Variants in UPF1 observed in about 807,000 individuals in gnomAD.
UPF1 encodes the protein regulator of nonsense transcripts 1.
In UPF1, 9 loss-of-function variants were observed where a neutral mutation model predicts 129.2. The ratio of observed to expected loss-of-function variants is 0.07; its 90% CI spans 0.04 to 0.12. The LOEUF (loss-of-function observed/expected upper bound fraction) is 0.12, where lower values mean the gene tolerates loss of function less well. UPF1 is among the 10% of genes least tolerant of loss of function. The probability of loss-of-function intolerance (pLI) is 1.00; values close to 1 mark genes in which losing one functional copy is unlikely to be tolerated. For synonymous variants in UPF1, 649 were observed against 644.9 expected (o/e 1.01, Z -0.10); for missense variants, 788 against 1,525.3 (o/e 0.52, Z 8.05).
chr19:18,854,507 T>C, intron 8 of UPF1, 94 bp from the exon 9 acceptor site: 1 of 1,025,010 alleles, frequency 9.8e-7, no homozygotes, highest in South Asian at 1.5e-5. Flanking sequence ...AGTAACTAAA[T>C]TTTAAAAACG....
rs1463690346 is a variant in UPF1 at position 18,863,522 on chromosome 19, G to A, written c.2685G>A (p.Gln895=). ...ACCTGCTGAACTACTATAAGGAGCA[G>A]AAGGTGCTGGTGGAGGGGCCGCTCA... ...WNHLLNYYKE[Q]KVLVEGPLNN... is the part of the protein sequence containing the mutation. Residue 895 remains glutamine, a synonymous_variant, in exon 19 of 24, where the codon CAG becomes CAA. Transcript: ENST00000262803. 6.2e-7 allele frequency: 1 copy of A among 1,613,924 alleles called. No homozygotes were observed. The highest frequency in any genetic ancestry group is 8.5e-7 in the Non-Finnish European group (1 of 1,179,890).
intron 1 of UPF1, among the ~76,000 whole-genome samples, chr19:18,833,584 T>C (rs537998734): frequency 6.6e-6 from 1 of 152,080 alleles, no homozygotes; most frequent in South Asian, 2.1e-4. Flanking sequence ...TGGCGCGTGT[T>C]GCACCGGGGT....
chr19:18,864,744 T>TTG (rs1290353065), intron 20 of UPF1, among the ~76,000 whole-genome samples: 6 of 141,174 alleles, frequency 4.3e-5, no homozygotes, highest in East Asian at 2.1e-4. Context: ...TTTTTTTTTT[T>TTG]TTTTTTTTTT....
intron 3 of UPF1, 84 bp downstream of exon 3, chr19:18,847,917 G>A (rs2055617843): frequency 8.2e-6 from 12 of 1,465,702 alleles, no homozygotes; most frequent in Admixed American, 3.6e-5. Context: ...GAAGCAAAGC[G>A]TAATATAAAA....
intron 3 of UPF1, chr19:18,848,074 T>C: frequency 4.5e-6 from 2 of 444,320 alleles, no homozygotes; most frequent in South Asian, 5.4e-5. Context: ...TTAATTCTCC[T>C]TCCCAGTTTT....
rs531750821 is a variant in UPF1 at position 18,847,967 on chromosome 19, G to A, written c.461+134G>A. ...CTGGGTTTTTTCCTCCTCTGTGACT[G>A]GTTTAACTTGAAACAGATGGTGGTG... On this transcript the variant is annotated intron_variant, in intron 3 of 23. Transcript: ENST00000262803. 2.9e-5 allele frequency: 24 copies of A among 814,972 alleles called. No individual in the cohort carries two copies. The South Asian group carries it at 3.7e-4, about 13-fold the overall frequency. The allele number at this position is 814,972 out of a possible 1,614,324, so 50.5% of individuals were successfully genotyped here. A position where few individuals can be genotyped will look rare whatever the true frequency, so the allele number is the denominator to read the frequency against.
intron 12 of UPF1, 26 bp downstream of exon 12, chr19:18,856,115 G>A (rs1406661508): frequency 1.2e-6 from 2 of 1,609,180 alleles, no homozygotes; most frequent in African/African-American, 1.3e-5. Context: ...ATCCCTCCCA[G>A]TTGGTCCCTG....
intron 15 of UPF1, chr19:18,859,461 G>A (rs1269606330): frequency 1.3e-5 from 2 of 152,216 alleles, no homozygotes; most frequent in Non-Finnish European, 2.9e-5. Context: ...CCTGCAGGTG[G>A]CCACTGTCCA....
In UPF1 at chr19:18,863,393, G is replaced by A. The variant is rs745996998; in HGVS notation, c.2601-45G>A. 4.1e-5 allele frequency: 65 copies of A among 1,594,750 alleles called. 1 individual carries two copies. The highest frequency in any genetic ancestry group is 9.4e-5 in the African/African-American group (7 of 74,588). ...TGCCTCTTGGACCGTCCTGTGAGAC[G>A]GGCAGCTCTCCACCTGCGTCCTCAG... is the stretch of plus-strand genomic sequence containing the variant. On this transcript the variant is annotated intron_variant, in intron 18 of 23. Coordinates refer to ENST00000262803, the MANE Select transcript of UPF1 (RefSeq NM_002911.4).
chr19:18,864,406 C>T (rs1277038012), intron 20 of UPF1, among the ~76,000 whole-genome samples, 155 bp downstream of exon 20: 1 of 152,254 alleles, frequency 6.6e-6, no homozygotes, highest in Non-Finnish European at 1.5e-5. Flanking sequence ...GCATCTCTAG[C>T]CCCGGAACAC....
chr19:18,832,084 T>A lies in UPF1; in HGVS notation c.-126T>A, dbSNP rs2055431105. On this transcript the variant is annotated 5_prime_UTR_variant, in exon 1 of 24. Coordinates refer to ENST00000262803, the MANE Select transcript of UPF1 (RefSeq NM_002911.4). This position sits in a 1 kb window ranked among gnomAD's most constrained non-coding sequence, Gnocchi z 5.6. Reference sequence around the variant, plus strand: ...GTCCGGCTGGCGCCGGGGCGCGCGGTTTGGTCCTTTCCGGGCGCGCGGGGG... The same window carrying A: ...GTCCGGCTGGCGCCGGGGCGCGCGGATTGGTCCTTTCCGGGCGCGCGGGGG... 2.2e-6 allele frequency: 2 copies of A among 924,866 alleles called. No homozygotes were observed. The highest frequency in any genetic ancestry group is 1.8e-5 in the African/African-American group (1 of 55,522). 57.3% of individuals were successfully genotyped at this position (924,866 alleles called of 1,614,324 possible). A position where few individuals can be genotyped will look rare whatever the true frequency, so the allele number is the denominator to read the frequency against.
intron 16 of UPF1, 142 bp from the exon 17 acceptor site, chr19:18,860,684 G>A (rs969437112): frequency 2.4e-5 from 30 of 1,249,236 alleles, no homozygotes; most frequent in Non-Finnish European, 3.1e-5. Context: ...CCTGGTGAAG[G>A]CTGGGGAAGC....
chr19:18,845,412 T>G (rs770122705), intron 1 of UPF1, among the ~76,000 whole-genome samples: 3 of 152,176 alleles, frequency 2.0e-5, no homozygotes, highest in African/African-American at 7.2e-5. Flanking sequence ...TTGCTGAACA[T>G]AGAAGAGGCG....
chr19:18,859,653 A>G (rs2055756146), intron 15 of UPF1: 1 of 152,268 alleles, frequency 6.6e-6, no homozygotes, highest in Admixed American at 6.5e-5. Context: ...GTGCAAAAAC[A>G]CCGGTTTTCT....
rs769816032 is a variant in UPF1, at chr19:18,857,273, G to A, written c.1969-47G>A. 196 of 1,576,628 alleles carry A rather than the reference G, an allele frequency of 1.2e-4. 2 individuals are homozygous for A. In the Admixed American group the frequency reaches 3.5e-3, roughly 29 times the overall value. ...TTCCTTGCTAGTGTGTGTTGAGGCT[G>A]ATTCACACCTGAGCTTCTTGACTTG... is the stretch of plus-strand genomic sequence containing the variant. On this transcript the variant is annotated intron_variant, in intron 14 of 23. Coordinates refer to ENST00000262803, the MANE Select transcript of UPF1 (RefSeq NM_002911.4).
chr19:18,862,950 C>T (rs2055797194), intron 18 of UPF1: 1 of 154,524 alleles, frequency 6.5e-6, no homozygotes, highest in South Asian at 2.0e-4. Flanking sequence ...CCTTCCGGCT[C>T]ATATGCGCGG....
At chr19:18,859,167 C>G (rs558837736) in intron 15 of UPF1, among the ~76,000 whole-genome samples, 1 of 152,352 alleles carries the variant, frequency 6.6e-6, no homozygotes, top group East Asian at 1.9e-4. Flanking sequence ...TCTGGGGTGT[C>G]TGAGCACTGG....
chr19:18,834,813 C>T (rs867123074), intron 1 of UPF1, among the ~76,000 whole-genome samples: 3 of 152,272 alleles, frequency 2.0e-5, no homozygotes, highest in South Asian at 2.1e-4. Context: ...CAGGAGTTGG[C>T]CGTGTAACCA....
In UPF1 at chr19:18,865,591, G is replaced by A. The variant is rs768863545; in HGVS notation, c.3050G>A (p.Arg1017His). Residue 1017 changes from arginine to histidine, a missense_variant, in exon 22 of 24, where the codon CGT (arginine) becomes CAT (histidine). Arg to His is a conservative substitution (Grantham distance 29). Around this residue, in one of 6 missense-constraint regions of UPF1, gnomAD observed 218 missense variants for 318.1 expected, o/e 0.69. Coordinates refer to ENST00000262803, the MANE Select transcript of UPF1 (RefSeq NM_002911.4). This position sits in a 1 kb window ranked among gnomAD's most constrained non-coding sequence, Gnocchi z 6.1. ...GRGTPKGKTG[R>H]GGRQKNRFGL... ...GGCACCCCGAAAGGCAAGACTGGTC[G>A]TGGGGGACGCCAGAAGAACCGCTTT... 31 of 1,613,800 alleles carry A rather than the reference G, an allele frequency of 1.9e-5. No homozygotes were observed. The highest frequency in any genetic ancestry group is 3.3e-5 in the Admixed American group (2 of 60,014).
Sources: gnomAD v4.1 joint callset for allele counts (sites outside exome capture counted in the v4.1 genomes callset) on GRCh38, gnomAD v4.1.1 for gene constraint, gnomAD v4.1.1 regional missense constraint, Gnocchi (gnomAD v3.1) non-coding constraint, MANE v1.5 for transcripts, NCBI Gene and HGNC (gene_info 2026-07-23, HGNC 2026-07-21) for gene names.